THNSL1: variants seen among roughly 807,000 people sequenced by gnomAD.
THNSL1 encodes the protein threonine synthase like 1.
THNSL1 carries 48 observed loss-of-function variants against 50.4 expected under a neutral mutation model. The ratio of observed to expected loss-of-function variants is 0.95; its 90% CI spans 0.76 to 1.21. THNSL1 has a LOEUF of 1.21. Among genes scored for constraint, THNSL1 ranks in the 50% most tolerant of loss-of-function variants. The pLI is 0.00. For synonymous variants in THNSL1, 309 were observed against 306.1 expected (o/e 1.01, Z -0.10); for missense variants, 896 against 871.7 (o/e 1.03, Z -0.35).
chr10:24,962,360 T>G, the THNSL1 span, among the ~76,000 whole-genome samples: 1 of 152,222 alleles, frequency 6.6e-6, no homozygotes, highest in South Asian at 2.1e-4. Flanking sequence ...TATCTTACAT[T>G]AGGAAGAAAA....
chr10:24,997,690 T>C, the THNSL1 span, among the ~76,000 whole-genome samples: 25 of 152,174 alleles, frequency 1.6e-4, no homozygotes, highest in Non-Finnish European at 3.2e-4. Flanking sequence ...TGCCCAGCCC[T>C]AATACCCTGA....
the THNSL1 span, among the ~76,000 whole-genome samples, chr10:24,973,194 G>A: frequency 7.9e-5 from 12 of 151,984 alleles, no homozygotes; most frequent in African/African-American, 2.9e-4. Context: ...TGGCATATCC[G>A]ACTTGCCAGC....
intron 1 of THNSL1, among the ~76,000 whole-genome samples, chr10:25,020,035 G>A (rs182288318): frequency 3.9e-4 from 59 of 152,160 alleles, no homozygotes; most frequent in African/African-American, 1.4e-3. Flanking sequence ...GTTAAAAAAT[G>A]TTGAGCCCCT....
the THNSL1 span, among the ~76,000 whole-genome samples, chr10:24,981,201 CAG>C: frequency 6.6e-6 from 1 of 152,216 alleles, no homozygotes; most frequent in African/African-American, 2.4e-5. Context: ...TTCCTGAGAA[CAG>C]TGACGCATGG....
At chr10:24,978,713 T>A in the THNSL1 span, among the ~76,000 whole-genome samples, 1 of 152,196 alleles carries the variant, frequency 6.6e-6, no homozygotes, top group Non-Finnish European at 1.5e-5. Context: ...TGATATGTGT[T>A]GGTGCAAATC....
chr10:25,011,268 C>T, the THNSL1 span, among the ~76,000 whole-genome samples: 2 of 152,138 alleles, frequency 1.3e-5, no homozygotes, highest in Non-Finnish European at 1.5e-5. Context: ...TGTTCATGTC[C>T]TTTGCCCACT....
chr10:25,025,001 G>C lies in THNSL1; in HGVS notation c.1778G>C (p.Arg593Pro). 1 of 1,614,152 alleles carries C rather than the reference G, an allele frequency of 6.2e-7. No individual in the cohort carries two copies. Among genetic ancestry groups the C allele is most frequent in the Non-Finnish European group, 8.5e-7 (1 of 1,180,032 alleles). The change falls in exon 3 of 3, where the codon CGA (arginine) becomes CCA (proline). Residue 593 changes from arginine (R) to proline (P), a missense_variant. Arg to Pro is a moderately radical substitution (Grantham distance 103). Coordinates refer to ENST00000376356, the MANE Select transcript of THNSL1 (RefSeq NM_024838.5). ...CAGCTAATGACAGAATTATTTAATC[G>C]ATTAGAAAGTCAGCATCATTTCCAG... Reference protein sequence around the residue: ...DGQLMTELFNRLESQHHFQIE... With the variant: ...DGQLMTELFNPLESQHHFQIE...
chr10:24,956,635 A>T, the THNSL1 span, among the ~76,000 whole-genome samples: 1 of 152,060 alleles, frequency 6.6e-6, no homozygotes, highest in East Asian at 1.9e-4. Flanking sequence ...TCATCATCTC[A>T]AGCATTTTTC....
the THNSL1 span, among the ~76,000 whole-genome samples, chr10:24,979,572 C>T: frequency 6.6e-6 from 1 of 152,186 alleles, no homozygotes; most frequent in Admixed American, 6.5e-5. Context: ...TTTACTGACT[C>T]CTTCTCTCCC....
the THNSL1 span, among the ~76,000 whole-genome samples, chr10:24,973,915 G>A: frequency 4.6e-5 from 7 of 152,098 alleles, no homozygotes; most frequent in South Asian, 6.2e-4. Flanking sequence ...CACCACGCCC[G>A]GCTAATTTTT....
chr10:24,990,667 G>T, the THNSL1 span: 1 of 1,483,146 alleles, frequency 6.7e-7, no homozygotes, highest in Non-Finnish European at 9.1e-7. Context: ...TTACATATGG[G>T]TACGTATCAA....
chr10:24,953,210 C>T, the THNSL1 span: 3 of 152,554 alleles, frequency 2.0e-5, no homozygotes, highest in Non-Finnish European at 4.4e-5. Context: ...TCACCTCCCT[C>T]CACCTCCCCT....
intron 1 of THNSL1, among the ~76,000 whole-genome samples, chr10:25,020,248 A>ATCTATG (rs1304378737): frequency 7.4e-6 from 1 of 135,112 alleles, no homozygotes; most frequent in African/African-American, 2.5e-5. Context: ...ATATATCTAT[A>ATCTATG]TCTATATCTA....
At chr10:24,990,495 G>C in the THNSL1 span, 1 of 1,613,632 alleles carries the variant, frequency 6.2e-7, no homozygotes, top group South Asian at 1.1e-5. Context: ...TCATCGGAGA[G>C]CCTTTTCATA....
In THNSL1 at chr10:25,025,114, A is replaced by G. The variant is rs772276011; in HGVS notation, c.1891A>G (p.Thr631Ala). 116 of 1,614,074 alleles carry G rather than the reference A, an allele frequency of 7.2e-5. No homozygotes were observed. The highest frequency in any genetic ancestry group is 9.1e-5 in the Non-Finnish European group (107 of 1,180,036). ...AGAGTGCCTAGCAGCTATTAACTCC[A>G]CCTATAATACTTCAGGGTATATTTT... The part of the protein sequence containing the change: ...EGECLAAINS[T>A]YNTSGYILDP... Residue 631 changes from threonine to alanine, a missense_variant, in exon 3 of 3, where the codon ACC (threonine) becomes GCC (alanine). Physicochemically the swap from Thr to Ala is moderately conservative, Grantham distance 58. Coordinates refer to ENST00000376356, the MANE Select transcript of THNSL1 (RefSeq NM_024838.5).
intron 1 of THNSL1, among the ~76,000 whole-genome samples, chr10:25,018,537 A>G (rs1850655280): frequency 6.6e-6 from 1 of 152,228 alleles, no homozygotes; most frequent in Non-Finnish European, 1.5e-5. Context: ...GTTGTGCTTC[A>G]AAGAAACTTG....
At chr10:25,022,742 C>T (rs1850750089) in intron 2 of THNSL1, among the ~76,000 whole-genome samples, 1 of 152,020 alleles carries the variant, frequency 6.6e-6, no homozygotes, top group African/African-American at 2.4e-5. Flanking sequence ...TTGTGAATTG[C>T]AAGTAGATAG....
At chr10:25,014,681 C>T (rs1242866485), upstream of THNSL1, among the ~76,000 whole-genome samples, 1 of 152,148 alleles carries the variant, frequency 6.6e-6, no homozygotes, top group Non-Finnish European at 1.5e-5. Flanking sequence ...GAATTTGAAA[C>T]CAAAAGTTGG....
At chr10:25,016,292 C>T, upstream of THNSL1, 1 of 505,126 alleles carries the variant, frequency 2.0e-6, no homozygotes, top group Non-Finnish European at 2.6e-6. Flanking sequence ...TTTTTACGTG[C>T]CTTTGAAAGT....
Sources: gnomAD v4.1 joint callset for allele counts (sites outside exome capture counted in the v4.1 genomes callset) on GRCh38, gnomAD v4.1.1 for gene constraint, MANE v1.5 for transcripts, NCBI Gene and HGNC (gene_info 2026-07-23, HGNC 2026-07-21) for gene names.